The following PCDH15 variants were observed in gnomAD, a reference collection of about 807,000 sequenced individuals.
PCDH15 encodes protocadherin-15.
In PCDH15, 129 loss-of-function variants were observed where a neutral mutation model predicts 178.5. That is an observed-to-expected ratio of 0.72 (90% CI 0.63 to 0.84). PCDH15 has a LOEUF of 0.84. Among genes scored for constraint, PCDH15 ranks in the 40% least tolerant of loss-of-function variants. PCDH15 has a pLI of 0.00. For missense variants in PCDH15, 2,230 were observed against 2,099.9 expected (o/e 1.06, Z -1.21); for synonymous variants, 800 against 732.0 (o/e 1.09, Z -1.50).
intron 3 of PCDH15, among the ~76,000 whole-genome samples, chr10:54,889,936 A>C (rs1954430296): frequency 6.6e-6 from 1 of 151,960 alleles, no homozygotes; most frequent in South Asian, 2.1e-4. Context: ...TTAGAGACAC[A>C]TTAGCCATTG....
At chr10:53,823,159 T>TTAAGTCATCCTCATCAGATAG in intron 32 of PCDH15, 1 of 1,614,008 alleles carries the variant, frequency 6.2e-7, no homozygotes, top group Non-Finnish European at 8.5e-7. Context: ...TTATGGGCAC[T>TTAAGTCATCCTCATCAGATAG]TAAGTCATCC....
intron 18 of PCDH15, among the ~76,000 whole-genome samples, chr10:54,046,581 T>A (rs747206007): frequency 6.6e-6 from 1 of 150,850 alleles, no homozygotes; most frequent in Non-Finnish European, 1.5e-5. Context: ...TAAACTATAA[T>A]GTTTATAAAT....
intron 8 of PCDH15, among the ~76,000 whole-genome samples, chr10:54,302,232 A>C (rs2060189044): frequency 6.6e-6 from 1 of 152,158 alleles, no homozygotes; most frequent in African/African-American, 2.4e-5. Flanking sequence ...GTTTTAGGTG[A>C]TGTTATTTAG....
chr10:54,909,316 A>G (rs554296868), intron 2 of PCDH15, among the ~76,000 whole-genome samples: 114 of 152,148 alleles, frequency 7.5e-4, no homozygotes, highest in Middle Eastern at 3.4e-3. Context: ...CATGGAGCCC[A>G]GGTTATTAAT....
intron 3 of PCDH15, among the ~76,000 whole-genome samples, chr10:54,874,847 T>C (rs1435539197): frequency 5.3e-5 from 8 of 152,176 alleles, no homozygotes; most frequent in East Asian, 3.8e-4. Flanking sequence ...AATTTATTCA[T>C]ATGATACATG....
chr10:53,925,645 A>G (rs1008252753), intron 25 of PCDH15, among the ~76,000 whole-genome samples: 1 of 152,316 alleles, frequency 6.6e-6, no homozygotes, highest in African/African-American at 2.4e-5. Context: ...GGAATCTCCT[A>G]TCATTACACT....
intron 2 of PCDH15, among the ~76,000 whole-genome samples, chr10:55,510,869 C>A (rs1233287492): frequency 6.7e-6 from 1 of 149,678 alleles, no homozygotes; most frequent in Non-Finnish European, 1.5e-5. Context: ...TATACATACA[C>A]ACACACACTT....
At chr10:55,102,932 G>A (rs1057111057) in intron 2 of PCDH15, among the ~76,000 whole-genome samples, 1 of 152,020 alleles carries the variant, frequency 6.6e-6, no homozygotes, top group Non-Finnish European at 1.5e-5. Context: ...CATTATAAAG[G>A]TCTTCATCTA....
intron 9 of PCDH15, among the ~76,000 whole-genome samples, chr10:54,234,090 T>C (rs1374679757): frequency 2.0e-5 from 3 of 151,176 alleles, no homozygotes; most frequent in Admixed American, 2.0e-4. Context: ...AAATTAAGAG[T>C]TTTGACAAAG....
intron 2 of PCDH15, among the ~76,000 whole-genome samples, chr10:55,446,344 A>T (rs944368116): frequency 2.6e-5 from 4 of 151,880 alleles, no homozygotes; most frequent in African/African-American, 9.7e-5. Flanking sequence ...TCTCAGAGAA[A>T]CAAAAAGTTT....
At chr10:54,976,880 A>G (rs1343059583) in intron 2 of PCDH15, among the ~76,000 whole-genome samples, 2 of 152,184 alleles carry the variant, frequency 1.3e-5, no homozygotes, top group African/African-American at 4.8e-5. Flanking sequence ...GTTAAACCAT[A>G]AGCTAAATTC....
At chr10:55,465,433 A>C (rs1242011044) in intron 2 of PCDH15, among the ~76,000 whole-genome samples, 1 of 152,172 alleles carries the variant, frequency 6.6e-6, no homozygotes, top group Non-Finnish European at 1.5e-5. Context: ...TGTGTACTGC[A>C]GTGGTTCTCA....
chr10:53,858,865 T>A (rs1411843703), intron 27 of PCDH15, among the ~76,000 whole-genome samples: 1 of 152,108 alleles, frequency 6.6e-6, no homozygotes, highest in Non-Finnish European at 1.5e-5. Context: ...TGGTCTTGAG[T>A]TAAAGAGGAT....
At chr10:54,487,716 C>T (rs148568242) in intron 3 of PCDH15, among the ~76,000 whole-genome samples, 10 of 151,746 alleles carry the variant, frequency 6.6e-5, no homozygotes, top group Middle Eastern at 3.4e-3. Context: ...TAAAAGGATC[C>T]ACACATTAAT....
chr10:54,279,206 G>A (rs573174464), intron 8 of PCDH15, among the ~76,000 whole-genome samples: 1 of 151,428 alleles, frequency 6.6e-6, no homozygotes, highest in South Asian at 2.1e-4. Context: ...TGTTAGGCTG[G>A]GCAGCTTTTT....
Position 53,866,690 on chromosome 10 carries a change from A to C in PCDH15, c.3669T>G (p.Ile1223Met), listed in dbSNP as rs767431595. ...MRRSYFKFQV[I>M]ATDDYGKGLS... is the part of the protein sequence containing the mutation. Reference sequence around the variant, plus strand: ...GTCCCTTCCCATAGTCGTCAGTTGCAATAACTTGAAACTTGAAGTAGGATC... The same window carrying C: ...GTCCCTTCCCATAGTCGTCAGTTGCCATAACTTGAAACTTGAAGTAGGATC... The change falls in exon 27 of 38, where the codon ATT becomes ATG. Residue 1223 changes from isoleucine to methionine, a missense_variant. Ile to Met is a conservative substitution (Grantham distance 10). Transcript: ENST00000644397. The C allele has an allele frequency of 6.2e-7, 1 of 1,613,650 alleles. No individual in the cohort carries two copies. The highest frequency in any genetic ancestry group is 8.5e-7 in the Non-Finnish European group (1 of 1,179,708).
At chr10:55,200,020 T>A (rs1279077838) in intron 1 of PCDH15, among the ~76,000 whole-genome samples, 1 of 152,050 alleles carries the variant, frequency 6.6e-6, no homozygotes, top group African/African-American at 2.4e-5. Context: ...TGGAGGGGAA[T>A]GTGGGGTTCG....
intron 2 of PCDH15, among the ~76,000 whole-genome samples, chr10:54,593,328 T>C (rs1357064497): frequency 5.3e-5 from 8 of 152,174 alleles, no homozygotes; most frequent in African/African-American, 1.7e-4. Flanking sequence ...ATGTCTTTAA[T>C]CCATTTTAAG....
chr10:54,400,846 GGAGA>G (rs1180344032), intron 3 of PCDH15, among the ~76,000 whole-genome samples: 1 of 151,584 alleles, frequency 6.6e-6, no homozygotes, highest in Non-Finnish European at 1.5e-5. Flanking sequence ...CAGAGGGAGA[GGAGA>G]GAGAAAGAGA....
Sources: allele counts gnomAD v4.1 joint callset (sites outside exome capture counted in the v4.1 genomes callset), GRCh38; gene constraint gnomAD v4.1.1; transcripts MANE v1.5; gene names NCBI Gene and HGNC (gene_info 2026-07-23, HGNC 2026-07-21).